AOPEP: variants seen among roughly 807,000 people sequenced by gnomAD.
AOPEP encodes aminopeptidase O.
In AOPEP, 77 loss-of-function variants were observed where a neutral mutation model predicts 98.1. The observed-to-expected ratio is 0.78, with a 90% CI of 0.65 to 0.95. The LOEUF (loss-of-function observed/expected upper bound fraction) is 0.95, where lower values mean the gene tolerates loss of function less well. Among genes scored for constraint, AOPEP ranks in the 40% least tolerant of loss-of-function variants. The pLI is 0.00. For missense variants in AOPEP, 1,024 were observed against 1,024.7 expected (o/e 1.00, Z 0.01); for synonymous variants, 346 against 365.3 (o/e 0.95, Z 0.60).
At chr9:95,117,373 C>T in the AOPEP span, 41 of 1,613,976 alleles carry the variant, frequency 2.5e-5, no homozygotes, top group Non-Finnish European at 3.4e-5. Flanking sequence ...GAAAGTAGGT[C>T]TTGAGTGCAA....
intron 10 of AOPEP, among the ~76,000 whole-genome samples, chr9:94,978,176 A>G (rs991845128): frequency 1.3e-5 from 2 of 152,178 alleles, no homozygotes; most frequent in African/African-American, 4.8e-5. Context: ...CAGTGTGTGT[A>G]ACACTGTATC....
At chr9:94,932,227 G>A in intron 7 of AOPEP, 1 of 986,418 alleles carries the variant, frequency 1.0e-6, no homozygotes, top group Non-Finnish European at 1.2e-6. Context: ...CTTGGTCCAA[G>A]CATCTTTTTT....
intron 1 of AOPEP, among the ~76,000 whole-genome samples, chr9:94,733,319 G>A (rs1831002186): frequency 6.6e-6 from 1 of 151,984 alleles, no homozygotes; most frequent in Admixed American, 6.6e-5. Context: ...TGTTGCTCAG[G>A]CTGATCTTGA....
chr9:94,838,015 T>C (rs10739986), intron 5 of AOPEP, among the ~76,000 whole-genome samples: 130,632 of 152,094 alleles, frequency 0.86, 56,254 homozygotes, highest in Non-Finnish European at 0.89. Flanking sequence ...GAAAACCCAG[T>C]AATTTTTTTT....
At chr9:95,134,613 A>G in the AOPEP span, among the ~76,000 whole-genome samples, 3 of 152,228 alleles carry the variant, frequency 2.0e-5, no homozygotes, top group Non-Finnish European at 4.4e-5. Flanking sequence ...TGGCACCTGC[A>G]GGTTTCTGAA....
intron 2 of AOPEP, among the ~76,000 whole-genome samples, chr9:94,768,745 C>T (rs915625705): frequency 6.6e-6 from 1 of 152,230 alleles, no homozygotes; most frequent in Non-Finnish European, 1.5e-5. Flanking sequence ...TTAATCTGGG[C>T]TCCCCAAGGA....
chr9:95,060,050 A>G (rs2067194089), intron 13 of AOPEP, among the ~76,000 whole-genome samples: 1 of 152,186 alleles, frequency 6.6e-6, no homozygotes, highest in Non-Finnish European at 1.5e-5. Flanking sequence ...AACTTGTAAC[A>G]CCACTTTTGA....
chr9:95,121,119 C>T, the AOPEP span, among the ~76,000 whole-genome samples: 1 of 152,156 alleles, frequency 6.6e-6, no homozygotes, highest in Admixed American at 6.5e-5. Flanking sequence ...AATACTTTGC[C>T]TGGAGTTTAT....
intron 3 of AOPEP, among the ~76,000 whole-genome samples, chr9:94,784,717 G>C (rs1263181186): frequency 6.6e-6 from 1 of 152,190 alleles, no homozygotes; most frequent in African/African-American, 2.4e-5. Context: ...TTGGGTTCAA[G>C]TGATTCTCCT....
chr9:94,929,471 G>A (rs904604662), intron 7 of AOPEP, among the ~76,000 whole-genome samples: 1 of 152,286 alleles, frequency 6.6e-6, no homozygotes, highest in Non-Finnish European at 1.5e-5. Context: ...ACTGCAGAAT[G>A]TTGGGGTATG....
At chr9:94,870,308 A>G (rs955377317) in intron 5 of AOPEP, among the ~76,000 whole-genome samples, 9 of 152,048 alleles carry the variant, frequency 5.9e-5, no homozygotes, top group African/African-American at 2.2e-4. Flanking sequence ...TAATTATTTT[A>G]AAAGGGAAGG....
intron 11 of AOPEP, among the ~76,000 whole-genome samples, chr9:94,994,539 A>C (rs1402567110): frequency 1.3e-5 from 2 of 152,240 alleles, no homozygotes; most frequent in Non-Finnish European, 2.9e-5. Flanking sequence ...GTCTGACTTA[A>C]AAGCCTTCAT....
chr9:94,787,469 A>G (rs557340857), intron 3 of AOPEP, among the ~76,000 whole-genome samples: 45 of 152,322 alleles, frequency 3.0e-4, no homozygotes, highest in African/African-American at 1.0e-3. Flanking sequence ...CATCTTGCCC[A>G]TGGACTACGT....
At chr9:94,952,297 C>T (rs1390934821) in intron 7 of AOPEP, among the ~76,000 whole-genome samples, 1 of 152,154 alleles carries the variant, frequency 6.6e-6, no homozygotes, top group Non-Finnish European at 1.5e-5. Flanking sequence ...AACATAGATA[C>T]ATTAAAGTGC....
At chr9:94,922,019 C>T (rs151042442) in intron 5 of AOPEP, among the ~76,000 whole-genome samples, 2 of 152,012 alleles carry the variant, frequency 1.3e-5, no homozygotes, top group Non-Finnish European at 1.5e-5. Context: ...AGGCCGGGGT[C>T]GTGTCTCCAG....
the AOPEP span, chr9:95,125,209 G>C: frequency 6.3e-7 from 1 of 1,586,944 alleles, no homozygotes; most frequent in Non-Finnish European, 8.7e-7. Context: ...AGTCAGATCA[G>C]AACACGTTTA....
At chr9:94,727,905 A>T (rs1829578133) in intron 1 of AOPEP, among the ~76,000 whole-genome samples, 1 of 152,210 alleles carries the variant, frequency 6.6e-6, no homozygotes, top group South Asian at 2.1e-4. Context: ...CCACCTCGTG[A>T]GTTAGGAATT....
At chr9:95,014,670 A>T (rs1395475944) in intron 13 of AOPEP, among the ~76,000 whole-genome samples, 1 of 152,182 alleles carries the variant, frequency 6.6e-6, no homozygotes, top group Non-Finnish European at 1.5e-5. Flanking sequence ...ACTGGATTGA[A>T]GGAAGTGGCG....
At chr9:94,775,373 A>AT (rs1170011175) in intron 3 of AOPEP, among the ~76,000 whole-genome samples, 15,260 of 140,226 alleles carry the variant, frequency 0.11, 1,274 homozygotes, top group African/African-American at 0.24. Context: ...TATTTACTTG[A>AT]TTTTTTTTTT....
Sources: allele counts gnomAD v4.1 joint callset (sites outside exome capture counted in the v4.1 genomes callset), GRCh38; gene constraint gnomAD v4.1.1; transcripts MANE v1.5; gene names NCBI Gene and HGNC (gene_info 2026-07-23, HGNC 2026-07-21).